Variants in ARL17B observed in about 807,000 individuals in gnomAD.
ARL17B encodes ARF like GTPase 17B.
chr17:46,302,369 G>C (rs1220444250), intron 3 of ARL17B, among the ~76,000 whole-genome samples: 2 of 53,880 alleles, frequency 3.7e-5, no homozygotes, highest in African/African-American at 8.4e-5. Context: ...GTGATCTAGA[G>C]AGGAGGCATG....
intron 4 of ARL17B, among the ~76,000 whole-genome samples, chr17:46,277,816 T>C (rs1477177115): frequency 6.6e-6 from 1 of 151,850 alleles, no homozygotes; most frequent in Non-Finnish European, 1.5e-5. Flanking sequence ...CTAGCTAATT[T>C]TTGTATTTTT....
At chr17:46,287,442 C>T (rs2049949382) in intron 4 of ARL17B, among the ~76,000 whole-genome samples, 1 of 152,186 alleles carries the variant, frequency 6.6e-6, no homozygotes, top group South Asian at 2.1e-4. Context: ...AGCGCAAACA[C>T]CAAGTAGAAG....
chr17:46,275,081 G>A (rs866521089), exon 5 of ARL17B: 9 of 188,162 alleles, frequency 4.8e-5, no homozygotes, highest in South Asian at 1.2e-4. Flanking sequence ...TGGTAGAGAC[G>A]GGGTTTCTCC....
chr17:46,311,657 C>T (rs1253859577), intron 3 of ARL17B, among the ~76,000 whole-genome samples: 2 of 87,808 alleles, frequency 2.3e-5, no homozygotes, highest in Non-Finnish European at 5.5e-5. Context: ...TTGTGAGCTA[C>T]CTTTATTCTG....
chr17:46,304,689 TA>T (rs2050454817), intron 3 of ARL17B, among the ~76,000 whole-genome samples: 2 of 52,902 alleles, frequency 3.8e-5, no homozygotes, highest in African/African-American at 8.4e-5. Context: ...GAATTTCTAT[TA>T]ATATGATAGA....
intron 4 of ARL17B, among the ~76,000 whole-genome samples, chr17:46,288,897 G>T (rs1598082080): frequency 6.6e-6 from 1 of 151,992 alleles, no homozygotes; most frequent in African/African-American, 2.4e-5. Flanking sequence ...TAGAGACAGG[G>T]TTTCACCATG....
chr17:46,350,577 G>A (rs1334663506), intron 3 of ARL17B, among the ~76,000 whole-genome samples: 2 of 88,534 alleles, frequency 2.3e-5, no homozygotes, highest in African/African-American at 6.8e-5. Context: ...AAAAAAAAAG[G>A]GGGGGGGAGG....
At chr17:46,288,182 C>T (rs1198171489) in intron 4 of ARL17B, among the ~76,000 whole-genome samples, 5 of 151,842 alleles carry the variant, frequency 3.3e-5, no homozygotes, top group Non-Finnish European at 7.4e-5. Context: ...CGCTGTATAA[C>T]CCAGGCTGCA....
intron 4 of ARL17B, among the ~76,000 whole-genome samples, chr17:46,289,013 T>C (rs2049995650): frequency 8.9e-6 from 1 of 112,778 alleles, no homozygotes; most frequent in African/African-American, 2.6e-5. Flanking sequence ...CATACTATTG[T>C]CTCAATATGC....
intron 3 of ARL17B, among the ~76,000 whole-genome samples, chr17:46,324,069 C>G (rs2051565200): frequency 8.5e-6 from 1 of 117,848 alleles, no homozygotes; most frequent in South Asian, 3.5e-4. Flanking sequence ...CTTTTTATTG[C>G]TGAGTAGTAT....
chr17:46,287,710 G>A (rs1308333271), intron 4 of ARL17B, among the ~76,000 whole-genome samples: 1 of 152,250 alleles, frequency 6.6e-6, no homozygotes, highest in African/African-American at 2.4e-5. Context: ...CGTGGAAGGA[G>A]CTGCTTCAGT....
At chr17:46,277,653 C>CTTTCTTTCTTTT (rs143961379) in intron 4 of ARL17B, among the ~76,000 whole-genome samples, 943 of 136,198 alleles carry the variant, frequency 6.9e-3, no homozygotes, top group Non-Finnish European at 0.011. Flanking sequence ...TTCTTTCTTT[C>CTTTCTTTCTTTT]TTTTTTTTTT....
At chr17:46,280,250 G>C (rs1031580661) in intron 4 of ARL17B, among the ~76,000 whole-genome samples, 7 of 152,206 alleles carry the variant, frequency 4.6e-5, no homozygotes, top group African/African-American at 7.2e-5. Flanking sequence ...TGTAATCCCA[G>C]CTACTTGGGA....
chr17:46,291,145 T>C (rs1407498368), intron 4 of ARL17B, among the ~76,000 whole-genome samples: 3 of 152,262 alleles, frequency 2.0e-5, no homozygotes, highest in East Asian at 3.8e-4. Context: ...ACTTCTTCTT[T>C]GGTTAGAAAG....
At chr17:46,308,697 G>C (rs2050661409) in intron 3 of ARL17B, among the ~76,000 whole-genome samples, 1 of 80,510 alleles carries the variant, frequency 1.2e-5, no homozygotes, top group South Asian at 5.4e-4. Flanking sequence ...GATGCCAAGG[G>C]AAGGTGCCAG....
At chr17:46,331,368 A>G (rs1480557142), downstream of ARL17B, 1 of 1,087,240 alleles carries the variant, frequency 9.2e-7, no homozygotes. Context: ...TCCTTAGGAG[A>G]CCTGAGTCCT....
chr17:46,277,045 G>C (rs1214509837), intron 4 of ARL17B, among the ~76,000 whole-genome samples: 1 of 152,150 alleles, frequency 6.6e-6, no homozygotes, highest in Non-Finnish European at 1.5e-5. Flanking sequence ...GCTCAAGTGA[G>C]CTGCCTGCCT....
At chr17:46,282,207 A>G (rs1300414306) in intron 4 of ARL17B, among the ~76,000 whole-genome samples, 1 of 151,882 alleles carries the variant, frequency 6.6e-6, no homozygotes, top group Non-Finnish European at 1.5e-5. Flanking sequence ...GGTTCATGCC[A>G]TTCTCCTGCC....
At chr17:46,276,797 T>C (rs1002315681) in intron 4 of ARL17B, among the ~76,000 whole-genome samples, 22 of 151,410 alleles carry the variant, frequency 1.5e-4, no homozygotes, top group East Asian at 3.9e-4. Flanking sequence ...TTTCTTTTTT[T>C]TTTTTTTTTT....
Sources: allele counts gnomAD v4.1 joint callset (sites outside exome capture counted in the v4.1 genomes callset), GRCh38; gene constraint gnomAD v4.1.1; transcripts MANE v1.5; gene names NCBI Gene and HGNC (gene_info 2026-07-23, HGNC 2026-07-21).